The following EBF2 variants were observed in gnomAD, a reference collection of about 807,000 sequenced individuals.
The protein encoded by EBF2 is EBF transcription factor 2.
In EBF2, 21 loss-of-function variants were observed where a neutral mutation model predicts 72.8. The observed-to-expected ratio is 0.29, with a 90% CI of 0.20 to 0.42. The LOEUF (loss-of-function observed/expected upper bound fraction) is 0.42. EBF2 is among the 10% of genes least tolerant of loss of function. EBF2 has a pLI of 1.00. For synonymous variants in EBF2, 299 were observed against 274.2 expected (o/e 1.09, Z -0.89); for missense variants, 637 against 731.2 (o/e 0.87, Z 1.49).
At chr8:25,918,878 T>G (rs1271034100) in intron 6 of EBF2, among the ~76,000 whole-genome samples, 1 of 152,174 alleles carries the variant, frequency 6.6e-6, no homozygotes, top group Non-Finnish European at 1.5e-5. Flanking sequence ...CGGGAAAGGA[T>G]TAAAGTAACC....
intron 6 of EBF2, among the ~76,000 whole-genome samples, chr8:25,958,203 T>C (rs1803979403): frequency 6.6e-6 from 1 of 152,182 alleles, no homozygotes; most frequent in Non-Finnish European, 1.5e-5. Flanking sequence ...GGATTCTGCC[T>C]GCCCAGAGCC....
intron 6 of EBF2, among the ~76,000 whole-genome samples, chr8:25,963,033 T>C (rs1310403387): frequency 2.0e-5 from 3 of 152,204 alleles, no homozygotes; most frequent in Non-Finnish European, 2.9e-5. Flanking sequence ...CAATTAGACA[T>C]GGGAGTCTCC....
At chr8:25,878,398 C>G (rs1287139397) in intron 10 of EBF2, among the ~76,000 whole-genome samples, 1 of 152,166 alleles carries the variant, frequency 6.6e-6, no homozygotes, top group African/African-American at 2.4e-5. Flanking sequence ...AGGGAAGAGG[C>G]CATGGCTCTC....
At chr8:26,039,477 A>G (rs1026642433) in intron 5 of EBF2, among the ~76,000 whole-genome samples, 11 of 151,976 alleles carry the variant, frequency 7.2e-5, no homozygotes, top group African/African-American at 2.4e-4. Context: ...CTGACCTGAG[A>G]AACTCCCCCG....
intron 6 of EBF2, among the ~76,000 whole-genome samples, chr8:25,988,492 A>C (rs935708764): frequency 6.6e-6 from 1 of 152,200 alleles, no homozygotes; most frequent in Admixed American, 6.5e-5. Flanking sequence ...CACATTATGC[A>C]CTGGGGATGA....
At chr8:25,886,538 T>C (rs904974074) in intron 10 of EBF2, among the ~76,000 whole-genome samples, 1 of 152,198 alleles carries the variant, frequency 6.6e-6, no homozygotes. Flanking sequence ...TGAAATGAGC[T>C]GCTGTGATCT....
In EBF2 at chr8:26,044,956, C is replaced by G. The variant is rs1805678597; in HGVS notation, c.-97G>C. 4 of 1,361,138 alleles carry G rather than the reference C, an allele frequency of 2.9e-6. No individual in the cohort carries two copies. Among genetic ancestry groups the G allele is most frequent in the Admixed American group, 2.2e-5 (1 of 45,598 alleles). The allele number at this position is 1,361,138 out of a possible 1,614,324, so 84.3% of individuals were successfully genotyped here. ...TGCCAGCAAATCGTCTCCTCCAAAG[C>G]AATCCAAGAAAAGGGATCAAGTGCC... On this transcript the variant is annotated 5_prime_UTR_variant, in exon 1 of 16. Transcript: ENST00000520164. The surrounding 1 kb of genome is among the most constrained non-coding windows in gnomAD (Gnocchi z 4.1).
chr8:26,015,671 T>C (rs544677479), intron 6 of EBF2, among the ~76,000 whole-genome samples: 2 of 152,344 alleles, frequency 1.3e-5, no homozygotes, highest in African/African-American at 4.8e-5. Context: ...CAGACTTTAA[T>C]CTACATACAC....
intron 6 of EBF2, among the ~76,000 whole-genome samples, chr8:25,956,608 T>C (rs1056161733): frequency 1.3e-5 from 2 of 152,106 alleles, no homozygotes; most frequent in Admixed American, 6.5e-5. Flanking sequence ...CCAATGACTA[T>C]TATTACATAC....
At chr8:25,917,023 T>G (rs1196968023) in intron 6 of EBF2, among the ~76,000 whole-genome samples, 5 of 152,164 alleles carry the variant, frequency 3.3e-5, no homozygotes, top group Non-Finnish European at 7.3e-5. Flanking sequence ...ATTTCATTAT[T>G]TCCTCTGAAG....
At chr8:26,043,580 G>A (rs1418460694) in intron 1 of EBF2, among the ~76,000 whole-genome samples, 3 of 152,218 alleles carry the variant, frequency 2.0e-5, no homozygotes, top group Non-Finnish European at 4.4e-5. Context: ...CGCTCCCCGG[G>A]CCACAGGAGG....
chr8:25,925,809 G>A (rs1803376666), intron 6 of EBF2, among the ~76,000 whole-genome samples: 1 of 152,070 alleles, frequency 6.6e-6, no homozygotes, highest in African/African-American at 2.4e-5. Context: ...AAAGGAAAAA[G>A]CATTCAGCTT....
chr8:26,028,349 G>T (rs1378601199), intron 6 of EBF2, among the ~76,000 whole-genome samples: 1 of 152,178 alleles, frequency 6.6e-6, no homozygotes, highest in Non-Finnish European at 1.5e-5. Context: ...CCAATGTCCA[G>T]GGACAAAAGA....
At chr8:25,904,439 T>C (rs1299469067) in intron 7 of EBF2, among the ~76,000 whole-genome samples, 2 of 147,754 alleles carry the variant, frequency 1.4e-5, no homozygotes, top group African/African-American at 5.0e-5. Flanking sequence ...TGTTTGGGGG[T>C]AAGGGAAGGA....
intron 6 of EBF2, among the ~76,000 whole-genome samples, chr8:26,003,574 C>T (rs2117223221): frequency 6.6e-6 from 1 of 152,182 alleles, no homozygotes; most frequent in African/African-American, 2.4e-5. Flanking sequence ...GGTGGGGGCT[C>T]CTCTCCCTGA....
intron 6 of EBF2, among the ~76,000 whole-genome samples, chr8:25,967,733 A>C (rs941050117): frequency 6.6e-6 from 1 of 152,230 alleles, no homozygotes; most frequent in African/African-American, 2.4e-5. Flanking sequence ...AATGCAGCAA[A>C]GAGTAGCAAT....
chr8:25,943,400 C>A (rs1803713476), intron 6 of EBF2, among the ~76,000 whole-genome samples: 2 of 151,316 alleles, frequency 1.3e-5, no homozygotes, highest in South Asian at 4.2e-4. Flanking sequence ...GTTCCAGCTA[C>A]TTGGGAGGCT....
intron 6 of EBF2, among the ~76,000 whole-genome samples, chr8:26,013,790 G>A (rs1367457733): frequency 6.6e-6 from 1 of 152,076 alleles, no homozygotes; most frequent in Admixed American, 6.5e-5. Flanking sequence ...ATCAGACAGT[G>A]TAAAATTCTC....
intron 6 of EBF2, among the ~76,000 whole-genome samples, chr8:25,990,761 G>A (rs1441773729): frequency 6.6e-6 from 1 of 152,164 alleles, no homozygotes; most frequent in African/African-American, 2.4e-5. Context: ...TATGCTACGC[G>A]ATGTTGTTTG....
Sources: gnomAD v4.1 joint callset for allele counts (sites outside exome capture counted in the v4.1 genomes callset) on GRCh38, gnomAD v4.1.1 for gene constraint, Gnocchi (gnomAD v3.1) non-coding constraint, MANE v1.5 for transcripts, NCBI Gene and HGNC (gene_info 2026-07-23, HGNC 2026-07-21) for gene names.